Variants in EXOC6 observed in about 807,000 individuals in gnomAD.
EXOC6 encodes SEC15-like 1.
A neutral mutation model predicts 112.5 loss-of-function variants in EXOC6; 60 were observed. That is an observed-to-expected ratio of 0.53 (90% CI 0.43 to 0.66). EXOC6 has a LOEUF of 0.66. Ranked by LOEUF, EXOC6 falls within the 30% of genes least tolerant of loss-of-function variation. The pLI is 0.00. For missense variants in EXOC6, 855 were observed against 957.1 expected (o/e 0.89, Z 1.41); for synonymous variants, 295 against 308.0 (o/e 0.96, Z 0.44).
intron 20 of EXOC6, among the ~76,000 whole-genome samples, chr10:93,051,882 A>G (rs1299416859): frequency 6.6e-6 from 1 of 152,146 alleles, no homozygotes; most frequent in East Asian, 1.9e-4. Flanking sequence ...AGGAAAAATG[A>G]TCTCCTGGTT....
intron 7 of EXOC6, among the ~76,000 whole-genome samples, chr10:92,919,772 T>TAAACATACTACA (rs1851322024): frequency 6.6e-6 from 1 of 152,152 alleles, no homozygotes; most frequent in Non-Finnish European, 1.5e-5. Flanking sequence ...ACAGTGATAA[T>TAAACATACTACA]AAACATACTA....
intron 1 of EXOC6, among the ~76,000 whole-genome samples, chr10:92,843,299 A>G (rs966357676): frequency 7.2e-5 from 11 of 152,170 alleles, no homozygotes; most frequent in African/African-American, 2.7e-4. Context: ...CCAAAAAGGC[A>G]GAAGCTGGAG....
intron 1 of EXOC6, among the ~76,000 whole-genome samples, chr10:92,865,547 ATC>A (rs1848133123): frequency 6.6e-6 from 1 of 151,560 alleles, no homozygotes; most frequent in Admixed American, 6.6e-5. Context: ...GGCTCAAGCG[ATC>A]TCTCGCCTCA....
intron 17 of EXOC6, among the ~76,000 whole-genome samples, chr10:92,965,175 G>A (rs1468587578): frequency 2.6e-5 from 4 of 152,188 alleles, no homozygotes; most frequent in East Asian, 1.9e-4. Context: ...ACAGTAAATC[G>A]TATATGTTTA....
chr10:92,896,171 A>G (rs1564809986), intron 4 of EXOC6, among the ~76,000 whole-genome samples: 7 of 25,228 alleles, frequency 2.8e-4, no homozygotes, highest in African/African-American at 1.4e-3. Context: ...ATATATATAT[A>G]TATATATATA....
intron 20 of EXOC6, among the ~76,000 whole-genome samples, chr10:93,049,571 G>GTTTGT (rs1846182326): frequency 6.6e-6 from 1 of 152,052 alleles, no homozygotes; most frequent in Non-Finnish European, 1.5e-5. Context: ...TTTTTGTTTT[G>GTTTGT]TTTGTTTTGT....
chr10:92,917,900 C>G lies in EXOC6; in HGVS notation c.819+1987C>G, dbSNP rs370674707. Among the ~76,000 whole-genome samples the G allele has an allele frequency of 3.5e-4, 53 of 152,262 alleles. No homozygotes were observed. In the East Asian group the frequency reaches 8.9e-3, roughly 26 times the overall value. ...GATGCCGTGGCTCATGCCTGTGATGCTAGCACTTTGGGAGGCCGAGGGGGG... is the reference window on the plus strand; with the variant it reads ...GATGCCGTGGCTCATGCCTGTGATGGTAGCACTTTGGGAGGCCGAGGGGGG... On this transcript the variant is annotated intron_variant, in intron 7 of 21. Coordinates refer to ENST00000260762, the MANE Select transcript of EXOC6 (RefSeq NM_019053.6).
At chr10:93,017,406 C>T (rs1467155866) in intron 20 of EXOC6, among the ~76,000 whole-genome samples, 3 of 151,192 alleles carry the variant, frequency 2.0e-5, no homozygotes, top group Non-Finnish European at 2.9e-5. Flanking sequence ...CTGGCCAACA[C>T]GGTGAAACCC....
At chr10:93,018,359 T>A (rs1844636239) in intron 20 of EXOC6, among the ~76,000 whole-genome samples, 1 of 152,190 alleles carries the variant, frequency 6.6e-6, no homozygotes, top group Non-Finnish European at 1.5e-5. Flanking sequence ...AATGAAAAAG[T>A]ACACGTACAT....
upstream of EXOC6, chr10:92,834,696 A>G: frequency 2.0e-6 from 3 of 1,506,594 alleles, no homozygotes; most frequent in South Asian, 1.2e-5. Flanking sequence ...TTTTCACTCA[A>G]TATCTGACAT....
chr10:93,005,495 T>G (rs952444272), intron 19 of EXOC6, among the ~76,000 whole-genome samples: 2 of 152,182 alleles, frequency 1.3e-5, no homozygotes, highest in African/African-American at 4.8e-5. Context: ...TATAGATACC[T>G]TATAGATATA....
chr10:92,844,669 T>G (rs1001710331), upstream of EXOC6, among the ~76,000 whole-genome samples: 3 of 152,174 alleles, frequency 2.0e-5, no homozygotes, highest in African/African-American at 4.8e-5. Flanking sequence ...AATGCTGGGC[T>G]CTCTGGCTTA....
chr10:93,045,623 C>A lies in EXOC6; in HGVS notation c.2170-11301C>A, dbSNP rs139299535. Among the ~76,000 whole-genome samples, 14 of 152,306 alleles carry A rather than the reference C, an allele frequency of 9.2e-5. No homozygotes were observed. The East Asian group carries it at 2.7e-3, about 29-fold the overall frequency. On this transcript the variant is annotated intron_variant, in intron 20 of 21. Transcript: ENST00000260762. ...CAATTCATACAAGCAGATCTTATTT[C>A]TTCGTAGCTTCAGTGGAGCAAAGTG...
intron 1 of EXOC6, among the ~76,000 whole-genome samples, chr10:92,849,145 C>G (rs1394282665): frequency 6.6e-6 from 1 of 152,130 alleles, no homozygotes; most frequent in Non-Finnish European, 1.5e-5. Context: ...GAGCGGGAGA[C>G]GCCGGCCCGC....
intron 16 of EXOC6, among the ~76,000 whole-genome samples, 169 bp from the exon 17 acceptor site, chr10:92,955,411 C>T (rs1853639373): frequency 6.6e-6 from 1 of 150,438 alleles, no homozygotes; most frequent in African/African-American, 2.5e-5. Flanking sequence ...TATATAAATT[C>T]ATACGCAGTA....
intron 1 of EXOC6, among the ~76,000 whole-genome samples, chr10:92,883,931 C>A (rs1052779007): frequency 6.6e-6 from 1 of 151,840 alleles, no homozygotes; most frequent in Non-Finnish European, 1.5e-5. Context: ...GAGTCTTGCT[C>A]TGTTGCCCAG....
intron 8 of EXOC6, among the ~76,000 whole-genome samples, chr10:92,922,886 T>G (rs183675034): frequency 6.6e-6 from 1 of 152,180 alleles, no homozygotes; most frequent in Non-Finnish European, 1.5e-5. Context: ...TAAGGGTATG[T>G]GAAGGCTTTC....
At position 93,058,250 on chromosome 10, in the gene EXOC6, T is replaced by C; in HGVS notation, c.2310T>C (p.Asn770=). The change falls in exon 22 of 22, where the codon AAT becomes AAC. Residue 770 remains asparagine, a synonymous_variant. Coordinates refer to ENST00000260762, the MANE Select transcript of EXOC6 (RefSeq NM_019053.6). The part of the protein sequence containing the change: ...EKMKDTSKKN[N]IFAQFRKNDR... ...TGAAGGATACTAGCAAAAAGAACAA[T>C]ATATTTGCTCAGTTCAGGAAGAATG... The C allele has an allele frequency of 6.2e-7, 1 of 1,607,318 alleles. No homozygotes were observed. The highest frequency in any genetic ancestry group is 8.5e-7 in the Non-Finnish European group (1 of 1,178,584).
At position 92,954,664 on chromosome 10, in the gene EXOC6, A is replaced by G. The variant is rs377009680; in HGVS notation, c.1561A>G (p.Thr521Ala). 295 of 1,607,950 alleles carry G rather than the reference A, an allele frequency of 1.8e-4. 1 individual carries two copies. The South Asian group carries it at 2.2e-3, about 12-fold the overall frequency. Residue 521 changes from threonine to alanine, a missense_variant, in exon 16 of 22, where the codon ACA becomes GCA. By Grantham distance (58) the Thr-to-Ala change is moderately conservative. Coordinates refer to ENST00000260762, the MANE Select transcript of EXOC6 (RefSeq NM_019053.6). ...TEIDDMLRKSTNLLLTRTLSS... is the reference protein window; with the variant it reads ...TEIDDMLRKSANLLLTRTLSS... ...AATAGACGATATGCTTAGAAAATCA[A>G]CAAATCTGCTGCTGACCAGAACTTT...
Sources: gnomAD v4.1 joint callset for allele counts (sites outside exome capture counted in the v4.1 genomes callset) on GRCh38, gnomAD v4.1.1 for gene constraint, MANE v1.5 for transcripts, NCBI Gene and HGNC (gene_info 2026-07-23, HGNC 2026-07-21) for gene names.